Variants in TMEM135 observed in about 807,000 individuals in gnomAD.
The protein encoded by TMEM135 is peroxisomal membrane protein 52.
In TMEM135, 30 loss-of-function variants were observed where a neutral mutation model predicts 60.3. That is an observed-to-expected ratio of 0.50 (90% CI 0.37 to 0.68). The LOEUF is 0.68. TMEM135 is among the 30% of genes least tolerant of loss of function. TMEM135 has a pLI of 0.00. For missense variants in TMEM135, 468 were observed against 548.8 expected (o/e 0.85, Z 1.47); for synonymous variants, 190 against 186.7 (o/e 1.02, Z -0.14).
At position 87,305,927 on chromosome 11, in the gene TMEM135, C is replaced by A; in HGVS notation, c.699-9C>A. ...ATAATTAGTTTAATTTTTTTGGGTT[C>A]AATTTCAGATGCAAACATGGACCAA... On this transcript the variant is annotated splice_polypyrimidine_tract_variant and intron_variant, in intron 8 of 14. Coordinates refer to ENST00000305494, the MANE Select transcript of TMEM135 (RefSeq NM_022918.4). 1 of 1,599,720 alleles carries A rather than the reference C, an allele frequency of 6.3e-7. No homozygotes were observed. The highest frequency in any genetic ancestry group is 1.1e-5 in the South Asian group (1 of 88,874).
chr11:87,103,481 G>GTT (rs869209609), intron 4 of TMEM135, among the ~76,000 whole-genome samples: 19 of 74,422 alleles, frequency 2.6e-4, no homozygotes, highest in African/African-American at 9.3e-4. Flanking sequence ...TGTTTTTTTT[G>GTT]TTTTTTTTTT....
chr11:87,234,446 C>G (rs1940952023), intron 5 of TMEM135, among the ~76,000 whole-genome samples: 1 of 151,990 alleles, frequency 6.6e-6, no homozygotes, highest in South Asian at 2.1e-4. Flanking sequence ...CTGTAATATC[C>G]TTTTGATTTA....
intron 6 of TMEM135, among the ~76,000 whole-genome samples, chr11:87,257,428 G>T (rs1418574228): frequency 6.7e-6 from 1 of 149,852 alleles, no homozygotes; most frequent in Non-Finnish European, 1.5e-5. Flanking sequence ...CTGGGGTTCA[G>T]CTGTGTTGGT....
At chr11:87,085,661 G>A (rs1446863443) in intron 3 of TMEM135, among the ~76,000 whole-genome samples, 1 of 152,202 alleles carries the variant, frequency 6.6e-6, no homozygotes, top group African/African-American at 2.4e-5. Context: ...GGAGGCTGGG[G>A]TGGGAGGATG....
At chr11:87,285,539 T>A (rs1591168768) in intron 6 of TMEM135, among the ~76,000 whole-genome samples, 1 of 151,800 alleles carries the variant, frequency 6.6e-6, no homozygotes. Flanking sequence ...ACGTCTGGAG[T>A]TGTTCGTTCC....
chr11:87,312,654 A>G (rs1372971001), intron 10 of TMEM135, among the ~76,000 whole-genome samples: 5 of 151,928 alleles, frequency 3.3e-5, no homozygotes, highest in Admixed American at 2.6e-4. Context: ...TTATCACACT[A>G]TAATTAGAAC....
intron 5 of TMEM135, among the ~76,000 whole-genome samples, chr11:87,178,009 G>GTA (rs1939421647): frequency 6.6e-6 from 1 of 152,138 alleles, no homozygotes; most frequent in Non-Finnish European, 1.5e-5. Flanking sequence ...TAGAGTCAGG[G>GTA]TACATTACCC....
intron 6 of TMEM135, among the ~76,000 whole-genome samples, chr11:87,285,716 A>C (rs1408877615): frequency 6.6e-6 from 1 of 152,202 alleles, no homozygotes; most frequent in Non-Finnish European, 1.5e-5. Context: ...CAAAGCTTTC[A>C]CAGCGTGGAA....
chr11:87,164,066 T>G lies in TMEM135; in HGVS notation c.462+6660T>G, dbSNP rs1174161601. Among the ~76,000 whole-genome samples, 61 of 131,416 alleles carry G rather than the reference T, an allele frequency of 4.6e-4. 1 individual carries two copies. Among genetic ancestry groups the G allele is most frequent in the Middle Eastern group, 3.9e-3 (1 of 254 alleles). 86.2% of individuals were successfully genotyped at this position (131,416 alleles called of 152,430 possible). On this transcript the variant is annotated intron_variant, in intron 5 of 14. Transcript: ENST00000305494. Reference sequence around the variant, plus strand: ...AATCAGATCCCATTTGTCAATTTTGTCTTTTGTTGCCATTGCTTTTGGTGT... The same window carrying G: ...AATCAGATCCCATTTGTCAATTTTGGCTTTTGTTGCCATTGCTTTTGGTGT...
chr11:87,222,160 C>A (rs1242607778), intron 5 of TMEM135, among the ~76,000 whole-genome samples: 2 of 93,806 alleles, frequency 2.1e-5, no homozygotes, highest in Non-Finnish European at 4.0e-5. Flanking sequence ...CCGGCCTGGG[C>A]GAAAGAGCGA....
chr11:87,296,974 C>G (rs1490184915), intron 7 of TMEM135, among the ~76,000 whole-genome samples: 2 of 152,002 alleles, frequency 1.3e-5, no homozygotes, highest in Non-Finnish European at 2.9e-5. Flanking sequence ...AGAAAAAAGA[C>G]AAACTTGGAT....
At chr11:87,276,821 G>T (rs1300386833) in intron 6 of TMEM135, among the ~76,000 whole-genome samples, 1 of 151,512 alleles carries the variant, frequency 6.6e-6, no homozygotes, top group African/African-American at 2.4e-5. Context: ...GGCATGCGAG[G>T]CCACCATGCC....
intron 3 of TMEM135, among the ~76,000 whole-genome samples, chr11:87,073,337 A>G (rs763916520): frequency 6.6e-6 from 1 of 152,170 alleles, no homozygotes; most frequent in Non-Finnish European, 1.5e-5. Flanking sequence ...CCGGCCCATG[A>G]AGCCACTCTT....
At chr11:87,238,758 G>A (rs1225621393) in intron 6 of TMEM135, among the ~76,000 whole-genome samples, 1 of 152,004 alleles carries the variant, frequency 6.6e-6, no homozygotes, top group East Asian at 1.9e-4. Context: ...TATCTAGCCT[G>A]AAGATATAGC....
chr11:87,108,918 A>G (rs753244976), intron 4 of TMEM135, among the ~76,000 whole-genome samples: 1 of 152,236 alleles, frequency 6.6e-6, no homozygotes, highest in Non-Finnish European at 1.5e-5. Context: ...TCATGTATAA[A>G]AGGGAAAGAG....
At chr11:87,246,179 C>T (rs569233532) in intron 6 of TMEM135, among the ~76,000 whole-genome samples, 2,316 of 134,400 alleles carry the variant, frequency 0.017, 44 homozygotes, top group Non-Finnish European at 0.023. Context: ...GAATATTGGC[C>T]CCCACTGTCT....
chr11:87,075,046 C>T (rs1409234485), intron 3 of TMEM135, among the ~76,000 whole-genome samples: 1 of 152,104 alleles, frequency 6.6e-6, no homozygotes, highest in African/African-American at 2.4e-5. Flanking sequence ...CCTAAGAGAT[C>T]CTCTTGCCTT....
At chr11:87,200,104 A>C (rs556520370) in intron 5 of TMEM135, among the ~76,000 whole-genome samples, 9 of 152,330 alleles carry the variant, frequency 5.9e-5, no homozygotes, top group Non-Finnish European at 8.8e-5. Context: ...CATTGAAATT[A>C]TAATTATTAG....
Position 87,203,032 on chromosome 11 carries a change from C to CAAAAAAAA in TMEM135, c.463-33587_463-33580dup, listed in dbSNP as rs534909524. Among the ~76,000 whole-genome samples, 70 of 33,592 alleles carry CAAAAAAAA rather than the reference C, an allele frequency of 2.1e-3. 3 individuals carry two copies. Among genetic ancestry groups the CAAAAAAAA allele is most frequent in the African/African-American group, 5.4e-3 (62 of 11,420 alleles). 22.0% of individuals were successfully genotyped at this position (33,592 alleles called of 152,430 possible). A position where few individuals can be genotyped will look rare whatever the true frequency, so the allele number is the denominator to read the frequency against. ...TGGGCGACAGAGTGAGACTCCGTCT[C>CAAAAAAAA]AAAAAAAAAAAAAAAAAAAAAAAAA... On this transcript the variant is annotated intron_variant, in intron 5 of 14. Coordinates refer to ENST00000305494, the MANE Select transcript of TMEM135 (RefSeq NM_022918.4).
Sources: gnomAD v4.1 joint callset for allele counts (sites outside exome capture counted in the v4.1 genomes callset) on GRCh38, gnomAD v4.1.1 for gene constraint, MANE v1.5 for transcripts, NCBI Gene and HGNC (gene_info 2026-07-23, HGNC 2026-07-21) for gene names.